KIAA0825: variants seen among roughly 807,000 people sequenced by gnomAD.
KIAA0825 encodes the protein KIAA0825, also known as uncharacterized protein KIAA0825.
A neutral mutation model predicts 147.6 loss-of-function variants in KIAA0825; 119 were observed. The observed-to-expected ratio is 0.81, with a 90% CI of 0.69 to 0.94. KIAA0825 has a LOEUF of 0.94. Ranked by LOEUF, KIAA0825 falls within the 40% of genes least tolerant of loss-of-function variation. The probability of loss-of-function intolerance (pLI) is 0.00; values close to 1 mark genes in which losing one functional copy is unlikely to be tolerated. For missense variants in KIAA0825, 1,381 were observed against 1,472.7 expected, an observed-to-expected ratio of 0.94 and a Z score of 1.02; for synonymous variants, 470 against 518.1, an observed-to-expected ratio of 0.91 and a Z score of 1.26.
chr5:94,334,253 A>G (rs1193018386), intron 20 of KIAA0825, among the ~76,000 whole-genome samples: 1 of 152,268 alleles, frequency 6.6e-6, no homozygotes, highest in African/African-American at 2.4e-5. Flanking sequence ...AGTCTCAGCC[A>G]GTGCAGTAAG....
chr5:94,561,145 A>G (rs1018488063), intron 2 of KIAA0825, among the ~76,000 whole-genome samples: 1 of 152,200 alleles, frequency 6.6e-6, no homozygotes, highest in Admixed American at 6.5e-5. Context: ...ACCTATGGCC[A>G]ATGATTTAAT....
intron 1 of KIAA0825, among the ~76,000 whole-genome samples, chr5:94,599,252 AC>A (rs1373927339): frequency 1.3e-5 from 2 of 149,812 alleles, no homozygotes; most frequent in Admixed American, 1.3e-4. Context: ...GTTTTCATAT[AC>A]TTATTGGGCA....
At position 94,286,168 on chromosome 5, in the gene KIAA0825, A is replaced by G. The variant is rs533548433; in HGVS notation, c.3710+98200T>C. Among the ~76,000 whole-genome samples the G allele has an allele frequency of 2.0e-5, 3 of 152,320 alleles. No individual in the cohort carries two copies. The South Asian group carries it at 6.2e-4, about 32-fold the overall frequency. On this transcript the variant is annotated intron_variant, in intron 20 of 20. Transcript: ENST00000682413. The stretch of plus-strand genomic sequence containing the variant: ...CTACAAAGTCAAACCAAGCAAAAAT[A>G]TTGAGTGCTGACAACACTCATTTGT...
intron 20 of KIAA0825, among the ~76,000 whole-genome samples, chr5:94,314,296 A>G (rs1356581852): frequency 6.6e-6 from 1 of 151,458 alleles, no homozygotes; most frequent in East Asian, 1.9e-4. Context: ...CCCCACATAC[A>G]CCTCACATGG....
At chr5:94,356,721 A>ATTTTTTTTTTTTTTTT (rs1156680490) in intron 20 of KIAA0825, among the ~76,000 whole-genome samples, 10 of 112,540 alleles carry the variant, frequency 8.9e-5, no homozygotes, top group African/African-American at 2.9e-4. Context: ...GTTTAACTTG[A>ATTTTTTTTTTTTTTTT]TTTCTTTTTT....
intron 15 of KIAA0825, 180 bp downstream of exon 15, chr5:94,417,021 T>G (rs1161468437): frequency 9.5e-6 from 5 of 524,884 alleles, no homozygotes; most frequent in Non-Finnish European, 1.7e-5. Flanking sequence ...TATATGAAAT[T>G]TTACAGGAAC....
intron 18 of KIAA0825, among the ~76,000 whole-genome samples, chr5:94,389,219 T>A (rs1301737779): frequency 1.3e-5 from 2 of 152,164 alleles, no homozygotes; most frequent in Non-Finnish European, 2.9e-5. Flanking sequence ...ATGAAGGTCG[T>A]CAGGTGGAGG....
rs79572330 is a variant in KIAA0825 at position 94,473,639 on chromosome 5, G to A, written c.1228-120C>T. ...TGTTGAATATATTCTTTGATATACT[G>A]TAAAAGCCATTCTTACAACCTAAAA... On this transcript the variant is annotated intron_variant, in intron 7 of 20. Transcript: ENST00000682413. The A allele has an allele frequency of 1.1e-3, 744 of 684,772 alleles. 9 individuals are homozygous for A. The East Asian group carries it at 0.019, about 17-fold the overall frequency. The allele number at this position is 684,772 out of a possible 1,614,324, so 42.4% of individuals were successfully genotyped here.
At chr5:94,286,999 A>C (rs1234642360) in intron 20 of KIAA0825, among the ~76,000 whole-genome samples, 1 of 152,128 alleles carries the variant, frequency 6.6e-6, no homozygotes, top group Non-Finnish European at 1.5e-5. Flanking sequence ...AGGAGTTGGC[A>C]CAGGCTCCAT....
chr5:94,206,520 T>C (rs114238843), intron 20 of KIAA0825, among the ~76,000 whole-genome samples: 296 of 152,356 alleles, frequency 1.9e-3, no homozygotes, highest in African/African-American at 6.9e-3. Flanking sequence ...GGATACCTTG[T>C]ACAGGACAGA....
intron 1 of KIAA0825, among the ~76,000 whole-genome samples, chr5:94,614,032 A>C (rs1013189487): frequency 5.3e-4 from 80 of 152,350 alleles, no homozygotes; most frequent in African/African-American, 1.8e-3. Context: ...TTACTATAAA[A>C]ACCTTTATTG....
At chr5:94,283,195 T>C (rs944862906) in intron 20 of KIAA0825, among the ~76,000 whole-genome samples, 9 of 152,092 alleles carry the variant, frequency 5.9e-5, no homozygotes, top group Non-Finnish European at 4.4e-5. Flanking sequence ...GTAATAATAA[T>C]ACTACTCTTG....
At position 94,201,255 on chromosome 5, in the gene KIAA0825, A is replaced by C. The variant is rs1245340169; in HGVS notation, c.3711-47131T>G. ...TAATTAATATAATAATTAATGTAAT[A>C]GATTTAATAAATGTATAACTTATTA... On this transcript the variant is annotated intron_variant, in intron 20 of 20. Transcript: ENST00000682413. 2.0e-5 allele frequency among the ~76,000 whole-genome samples: 3 copies of C among 151,476 alleles called. No homozygotes were observed. The East Asian group carries it at 5.8e-4, about 29-fold the overall frequency.
intron 20 of KIAA0825, among the ~76,000 whole-genome samples, chr5:94,162,684 T>G (rs1399549677): frequency 6.6e-6 from 1 of 152,118 alleles, no homozygotes; most frequent in Admixed American, 6.6e-5. Context: ...TTATTTCTTC[T>G]CCCAAACAAA....
chr5:94,308,142 G>C (rs1334547035), intron 20 of KIAA0825, among the ~76,000 whole-genome samples: 1 of 151,698 alleles, frequency 6.6e-6, no homozygotes, highest in Admixed American at 6.6e-5. Context: ...ACATATTCAG[G>C]TGTTAGTCCT....
At chr5:94,331,206 GAGAA>G (rs768599112) in intron 20 of KIAA0825, among the ~76,000 whole-genome samples, 86 of 150,954 alleles carry the variant, frequency 5.7e-4, no homozygotes, top group East Asian at 9.7e-4. Flanking sequence ...AGGAAGGAAA[GAGAA>G]AGAAAGAAAA....
chr5:94,470,684 TCA>T (rs1761109313), intron 9 of KIAA0825, among the ~76,000 whole-genome samples: 1 of 152,206 alleles, frequency 6.6e-6, no homozygotes, highest in South Asian at 2.1e-4. Context: ...TAAAGAAATA[TCA>T]CAGTTATACC....
intron 20 of KIAA0825, among the ~76,000 whole-genome samples, chr5:94,304,741 T>G (rs1778621149): frequency 6.6e-6 from 1 of 151,996 alleles, no homozygotes; most frequent in African/African-American, 2.4e-5. Flanking sequence ...GAATACTAAA[T>G]TAACCAGTTT....
chr5:94,426,868 A>C (rs1490250930), intron 14 of KIAA0825, among the ~76,000 whole-genome samples: 1 of 152,220 alleles, frequency 6.6e-6, no homozygotes, highest in East Asian at 1.9e-4. Flanking sequence ...TGGTAAGAAT[A>C]GTAAAAAGAA....
Sources: allele counts gnomAD v4.1 joint callset (sites outside exome capture counted in the v4.1 genomes callset), GRCh38; gene constraint gnomAD v4.1.1; transcripts MANE v1.5; gene names NCBI Gene and HGNC (gene_info 2026-07-23, HGNC 2026-07-21).